The following ECT2 variants were observed in gnomAD, a reference collection of about 807,000 sequenced individuals.
ECT2 encodes the protein protein ECT2.
In ECT2, 61 loss-of-function variants were observed where a neutral mutation model predicts 116.9. The observed-to-expected ratio is 0.52, with a 90% CI of 0.42 to 0.65. The LOEUF is 0.65. Among genes scored for constraint, ECT2 ranks in the 30% least tolerant of loss-of-function variants. ECT2 has a pLI of 0.00. For missense variants in ECT2, 937 were observed against 1,078.7 expected (o/e 0.87, Z 1.84); for synonymous variants, 358 against 346.4 (o/e 1.03, Z -0.37).
At chr3:172,784,009 G>C in intron 16 of ECT2, 100 bp downstream of exon 16, 2 of 801,856 alleles carry the variant, frequency 2.5e-6, no homozygotes, top group Admixed American at 2.9e-5. Flanking sequence ...TTAGTAAAAT[G>C]TATCCATTAA....
chr3:172,821,406 CTT>C lies in ECT2; in HGVS notation c.*1171_*1172del, dbSNP rs903885662. On this transcript the variant is annotated 3_prime_UTR_variant, in exon 25 of 25. Coordinates refer to ENST00000392692, the MANE Select transcript of ECT2 (RefSeq NM_001258315.2). Reference sequence around the variant, plus strand: ...CCACTTCTGAGAGTAGTAAATGACTCTTTGCTACATTTTAAAAGCAATTGTAT... The same window carrying C: ...CCACTTCTGAGAGTAGTAAATGACTCTGCTACATTTTAAAAGCAATTGTAT... 3 of 151,960 alleles carry C rather than the reference CTT, an allele frequency of 2.0e-5. No individual in the cohort carries two copies. The highest frequency in any genetic ancestry group is 2.1e-4 in the South Asian group (1 of 4,822). The allele number at this position is 151,960 out of a possible 1,614,324, so 9.4% of individuals were successfully genotyped here. A position where few individuals can be genotyped will look rare whatever the true frequency, so the allele number is the denominator to read the frequency against.
chr3:172,805,380 G>A (rs1203985867), intron 20 of ECT2, among the ~76,000 whole-genome samples: 1 of 151,982 alleles, frequency 6.6e-6, no homozygotes, highest in Non-Finnish European at 1.5e-5. Context: ...TTAGCCAACT[G>A]TTCCTCTTCT....
At chr3:172,763,272 T>C (rs1184915009) in intron 11 of ECT2, among the ~76,000 whole-genome samples, 1 of 152,192 alleles carries the variant, frequency 6.6e-6, no homozygotes, top group Non-Finnish European at 1.5e-5. Flanking sequence ...TAGTTAACGA[T>C]GGGGAATGAT....
At chr3:172,756,925 CAG>C in intron 4 of ECT2, 56 bp from the exon 5 acceptor site, 1 of 1,393,762 alleles carries the variant, frequency 7.2e-7, no homozygotes, top group Non-Finnish European at 9.8e-7. Context: ...TTTAGAGAGA[CAG>C]ATGGATTATT....
Position 172,807,055 on chromosome 3 carries a change from G to C in ECT2, c.2246-715G>C, listed in dbSNP as rs1436458360. 2.0e-5 allele frequency among the ~76,000 whole-genome samples: 3 copies of C among 152,106 alleles called. No individual in the cohort carries two copies. The East Asian group carries it at 5.8e-4, about 29-fold the overall frequency. On this transcript the variant is annotated intron_variant, in intron 21 of 24. Transcript: ENST00000392692. ...AGTATAGTTGTCCCTTGGTATCCAC[G>C]GGGGACGGTTCCTGGACCTCCCTTG...
intron 18 of ECT2, among the ~76,000 whole-genome samples, chr3:172,791,813 C>T (rs12634020): frequency 0.032 from 4,832 of 152,260 alleles, 161 homozygotes; most frequent in East Asian, 0.16. Context: ...TCTTCAAGAA[C>T]TTTTCTTTTG....
chr3:172,820,183 C>T lies in ECT2; in HGVS notation c.2691C>T (p.Ser897=), dbSNP rs1479488554. The T allele has an allele frequency of 1.9e-6, 3 of 1,610,278 alleles. No homozygotes were observed. The highest frequency in any genetic ancestry group is 2.2e-5 in the East Asian group (1 of 44,658). ...CTCCCTCCCTTGTCAGCCTTCCTTC[C>T]TTCTTTGAAAGGAGAAGTCATACGT... ...IPSPSLVSLP[S]FFERRSHTLS... is the part of the protein sequence containing the mutation. The change falls in exon 25 of 25, where the codon TCC becomes TCT. Residue 897 remains serine, a synonymous_variant. Transcript: ENST00000392692.
At chr3:172,768,957 G>A (rs755634557) in intron 12 of ECT2, 50 bp from the exon 13 acceptor site, 4 of 1,499,268 alleles carry the variant, frequency 2.7e-6, no homozygotes, top group Non-Finnish European at 3.6e-6. Context: ...CATAATGTTT[G>A]GTATTTATAT....
intron 24 of ECT2, chr3:172,818,719 A>C: frequency 7.8e-7 from 1 of 1,288,638 alleles, no homozygotes; most frequent in Non-Finnish European, 1.0e-6. Context: ...TGATTTTTCA[A>C]ATTTCAAAAA....
intron 18 of ECT2, among the ~76,000 whole-genome samples, chr3:172,797,293 C>CCTT (rs1290830737): frequency 4.6e-5 from 7 of 152,006 alleles, no homozygotes; most frequent in African/African-American, 9.7e-5. Context: ...CCTAGGTCTC[C>CCTT]CAAAGTGCTG....
intron 22 of ECT2, among the ~76,000 whole-genome samples, chr3:172,809,309 G>A (rs972381754): frequency 6.6e-6 from 1 of 152,026 alleles, no homozygotes; most frequent in African/African-American, 2.4e-5. Flanking sequence ...TACTAGAACT[G>A]AAATATAATA....
At chr3:172,753,329 C>T (rs544741523) in intron 1 of ECT2, among the ~76,000 whole-genome samples, 3 of 152,254 alleles carry the variant, frequency 2.0e-5, no homozygotes, top group African/African-American at 7.2e-5. Flanking sequence ...AAGTCCTGCC[C>T]TCAAGTGATC....
At chr3:172,777,162 C>A (rs1005510625) in intron 14 of ECT2, among the ~76,000 whole-genome samples, 3 of 152,050 alleles carry the variant, frequency 2.0e-5, no homozygotes, top group Non-Finnish European at 4.4e-5. Flanking sequence ...CTGTGCTTGG[C>A]CTGAACAAAG....
Position 172,806,693 on chromosome 3 carries a change from C to T in ECT2, c.2245+824C>T, listed in dbSNP as rs1727817301. ...TTTGAGATGACGTCTTAGTCTGTCACCCAAGCTGGAGTGCAGTGGCGCAAA... is the reference window on the plus strand; with the variant it reads ...TTTGAGATGACGTCTTAGTCTGTCATCCAAGCTGGAGTGCAGTGGCGCAAA... On this transcript the variant is annotated intron_variant, in intron 21 of 24. Transcript: ENST00000392692. 2.8e-5 allele frequency among the ~76,000 whole-genome samples: 4 copies of T among 142,306 alleles called. No individual in the cohort carries two copies. The South Asian group carries it at 9.0e-4, about 32-fold the overall frequency. The allele number at this position is 142,306 out of a possible 152,430, so 93.4% of individuals were successfully genotyped here.
chr3:172,767,817 C>T (rs539124183), intron 12 of ECT2, among the ~76,000 whole-genome samples: 1 of 151,724 alleles, frequency 6.6e-6, no homozygotes, highest in Non-Finnish European at 1.5e-5. Context: ...CTGCAACCTC[C>T]ACCTCCTGGG....
At chr3:172,808,364 C>A (rs1728143345) in intron 22 of ECT2, among the ~76,000 whole-genome samples, 1 of 149,962 alleles carries the variant, frequency 6.7e-6, no homozygotes, top group African/African-American at 2.4e-5. Context: ...GCGTGAGCCA[C>A]CGTGCCTGGC....
At chr3:172,779,960 A>G (rs1368537240) in intron 14 of ECT2, among the ~76,000 whole-genome samples, 1 of 152,088 alleles carries the variant, frequency 6.6e-6, no homozygotes, top group Non-Finnish European at 1.5e-5. Context: ...ACCAAGTGGT[A>G]CAACCATCAC....
In ECT2 at chr3:172,757,067, G is replaced by T. The variant is rs757788874; in HGVS notation, c.388G>T (p.Val130Phe). ...TCCGGAATTTGAAAATGTATTTGTA[G>T]TCACGGACTTTCAGGATTCTGTCTT... ...DSPEFENVFV[V>F]TDFQDSVFND... The change falls in exon 5 of 25, where the codon GTC becomes TTC. Residue 130 changes from valine to phenylalanine, a missense_variant. Physicochemically the swap from Val to Phe is conservative, Grantham distance 50. Transcript: ENST00000392692. 2.5e-6 allele frequency: 4 copies of T among 1,611,068 alleles called. No individual in the cohort carries two copies. The highest frequency in any genetic ancestry group is 3.4e-6 in the Non-Finnish European group (4 of 1,178,922).
intron 2 of ECT2, 53 bp from the exon 3 acceptor site, chr3:172,755,242 C>G (rs768794311): frequency 6.4e-6 from 9 of 1,400,184 alleles, no homozygotes; most frequent in Non-Finnish European, 8.8e-6. Context: ...TAAGGACCTA[C>G]TGATTGTGAT....
Sources: allele counts gnomAD v4.1 joint callset (sites outside exome capture counted in the v4.1 genomes callset), GRCh38; gene constraint gnomAD v4.1.1; transcripts MANE v1.5; gene names NCBI Gene and HGNC (gene_info 2026-07-23, HGNC 2026-07-21).